The following DGKB variants were observed in gnomAD, a reference collection of about 807,000 sequenced individuals.
DGKB encodes the protein 90 kDa diacylglycerol kinase.
Under a neutral mutation model 114.3 loss-of-function variants are expected in DGKB, and 67 were observed. That is an observed-to-expected ratio of 0.59 (90% CI 0.48 to 0.72). The LOEUF (loss-of-function observed/expected upper bound fraction) is 0.72, where lower values mean the gene tolerates loss of function less well. DGKB is among the 30% of genes least tolerant of loss of function. The pLI is 0.00. For synonymous variants in DGKB, 398 were observed against 323.1 expected, an observed-to-expected ratio of 1.23 and a Z score of -2.49; for missense variants, 907 against 975.2, an observed-to-expected ratio of 0.93 and a Z score of 0.93.
intron 23 of DGKB, among the ~76,000 whole-genome samples, chr7:14,289,431 G>A (rs1801388694): frequency 6.6e-6 from 1 of 152,074 alleles, no homozygotes; most frequent in Admixed American, 6.6e-5. Flanking sequence ...TAACATATTT[G>A]CTGAGTATAC....
At chr7:14,312,129 C>T (rs936998992) in intron 23 of DGKB, among the ~76,000 whole-genome samples, 6 of 152,054 alleles carry the variant, frequency 3.9e-5, no homozygotes, top group Non-Finnish European at 7.4e-5. Flanking sequence ...AGTTTAGATC[C>T]ACATGGAACA....
Position 14,923,370 on chromosome 7 carries a change from T to C in DGKB, c.-188+51326A>G, listed in dbSNP as rs577246049. Among the ~76,000 whole-genome samples the C allele has an allele frequency of 5.3e-5, 8 of 152,294 alleles. No homozygotes were observed. The East Asian group carries it at 1.4e-3, about 26-fold the overall frequency. ...TCAGATATCTATGAGACTCTTTCTA[T>C]TTATTTTTATGAGATTGTCTTTTGT... On this transcript the variant is annotated intron_variant, in intron 1 of 4. Transcript: ENST00000437998.
At chr7:14,942,227 T>C (rs1785606449) in intron 1 of DGKB, among the ~76,000 whole-genome samples, 1 of 151,922 alleles carries the variant, frequency 6.6e-6, no homozygotes, top group Non-Finnish European at 1.5e-5. Context: ...CTATTGCTAA[T>C]GACTAATTTA....
chr7:14,676,027 T>C (rs1312893393), intron 12 of DGKB, among the ~76,000 whole-genome samples: 1 of 152,066 alleles, frequency 6.6e-6, no homozygotes, highest in African/African-American at 2.4e-5. Context: ...TGAAAGCCAA[T>C]GTGAAAAATG....
At chr7:14,778,875 G>A (rs959938945) in intron 2 of DGKB, among the ~76,000 whole-genome samples, 3 of 152,086 alleles carry the variant, frequency 2.0e-5, no homozygotes, top group Non-Finnish European at 4.4e-5. Context: ...TAAATTATGT[G>A]CCAGGCACAG....
chr7:14,447,641 A>G (rs1584010484), intron 21 of DGKB, among the ~76,000 whole-genome samples: 1 of 152,198 alleles, frequency 6.6e-6, no homozygotes, highest in Non-Finnish European at 1.5e-5. Flanking sequence ...CCATCATTGC[A>G]TCCTAAAAGT....
intron 5 of DGKB, among the ~76,000 whole-genome samples, chr7:14,726,200 C>T (rs1338051148): frequency 6.6e-6 from 1 of 151,908 alleles, no homozygotes; most frequent in African/African-American, 2.4e-5. Flanking sequence ...AGTGCAGTGG[C>T]GCAATCTGGG....
intron 20 of DGKB, among the ~76,000 whole-genome samples, chr7:14,502,330 A>C (rs920405698): frequency 1.4e-4 from 21 of 151,994 alleles, no homozygotes; most frequent in Non-Finnish European, 2.4e-4. Context: ...TGAGTTAAGA[A>C]AATATTTTAG....
chr7:14,145,671 C>A lies in DGKB; in HGVS notation c.*3460G>T, dbSNP rs1197708489. On this transcript the variant is annotated 3_prime_UTR_variant, in exon 26 of 26. Coordinates refer to ENST00000402815, the MANE Select transcript of DGKB (RefSeq NM_001350709.2). ...ACGAGGTTTCACCATATTGGCCAGG[C>A]TGGTCTTGAACTCCTGACCTTGTGA... is the stretch of plus-strand genomic sequence containing the variant. 6.6e-6 allele frequency: 1 copy of A among 152,134 alleles called. No homozygotes were observed. Among genetic ancestry groups the A allele is most frequent in the African/African-American group, 2.4e-5 (1 of 41,440 alleles). 9.4% of individuals were successfully genotyped at this position (152,134 alleles called of 1,614,324 possible).
chr7:14,715,810 T>C (rs760369037), intron 6 of DGKB, among the ~76,000 whole-genome samples: 4 of 152,210 alleles, frequency 2.6e-5, no homozygotes, highest in Non-Finnish European at 4.4e-5. Flanking sequence ...AAAAAGTGGT[T>C]TTGTTATATA....
chr7:14,693,420 G>A (rs1240149266), intron 9 of DGKB, among the ~76,000 whole-genome samples: 3 of 151,728 alleles, frequency 2.0e-5, no homozygotes, highest in East Asian at 3.9e-4. Flanking sequence ...CTCATCTTAG[G>A]TTGATTTATT....
intron 5 of DGKB, among the ~76,000 whole-genome samples, chr7:14,719,248 T>C (rs1161038671): frequency 1.3e-5 from 2 of 152,134 alleles, no homozygotes; most frequent in Admixed American, 1.3e-4. Flanking sequence ...TAAGCAAAAC[T>C]CTGGATAAAC....
chr7:14,780,217 C>G (rs1838858191), intron 2 of DGKB, among the ~76,000 whole-genome samples: 1 of 152,106 alleles, frequency 6.6e-6, no homozygotes, highest in African/African-American at 2.4e-5. Flanking sequence ...TATAAATGAC[C>G]CTGTGATGGA....
At chr7:14,745,437 G>A (rs1291126319) in intron 4 of DGKB, among the ~76,000 whole-genome samples, 1 of 152,208 alleles carries the variant, frequency 6.6e-6, no homozygotes, top group Non-Finnish European at 1.5e-5. Flanking sequence ...ATAGAAGTAG[G>A]AGGCAAATGC....
rs527340946 is a variant in DGKB at position 14,805,928 on chromosome 7, C to A, written c.70+35266G>T. On this transcript the variant is annotated intron_variant, in intron 2 of 25. Coordinates refer to ENST00000402815, the MANE Select transcript of DGKB (RefSeq NM_001350709.2). ...ATAATATTTTAGAAAATATCCTAGA[C>A]CAGTTCAAATGGTTTCAGATTATTC... is the stretch of plus-strand genomic sequence containing the variant. Among the ~76,000 whole-genome samples the A allele has an allele frequency of 3.2e-4, 48 of 150,648 alleles. No individual in the cohort carries two copies. The South Asian group carries it at 9.6e-3, about 30-fold the overall frequency.
chr7:14,408,414 T>C (rs1166793063), intron 21 of DGKB, among the ~76,000 whole-genome samples: 1 of 152,080 alleles, frequency 6.6e-6, no homozygotes. Flanking sequence ...ATATGGGGAA[T>C]ACAGAAGGCT....
chr7:14,293,563 A>G (rs1802087672), intron 23 of DGKB, among the ~76,000 whole-genome samples: 6 of 152,346 alleles, frequency 3.9e-5, no homozygotes, highest in Middle Eastern at 3.4e-3. Flanking sequence ...TAAAAAACAC[A>G]TAAATCATCT....
At chr7:14,417,079 T>G (rs1167185078) in intron 21 of DGKB, among the ~76,000 whole-genome samples, 1 of 152,086 alleles carries the variant, frequency 6.6e-6, no homozygotes, top group Admixed American at 6.6e-5. Flanking sequence ...TAGGAACAGA[T>G]TTGGTATTTT....
chr7:14,855,555 C>T (rs1367820632), intron 1 of DGKB, among the ~76,000 whole-genome samples: 1 of 152,042 alleles, frequency 6.6e-6, no homozygotes, highest in Non-Finnish European at 1.5e-5. Flanking sequence ...ACAATACATA[C>T]ATACCCCCAT....
Sources: allele counts gnomAD v4.1 joint callset (sites outside exome capture counted in the v4.1 genomes callset), GRCh38; gene constraint gnomAD v4.1.1; transcripts MANE v1.5; gene names NCBI Gene and HGNC (gene_info 2026-07-23, HGNC 2026-07-21).